Variants in TICRR observed in about 807,000 individuals in gnomAD.
TICRR encodes treslin.
TICRR carries 132 observed loss-of-function variants against 178.1 expected under a neutral mutation model. That is an observed-to-expected ratio of 0.74 (90% CI 0.64 to 0.86). The LOEUF is 0.86. Among genes scored for constraint, TICRR ranks in the 40% least tolerant of loss-of-function variants. The pLI is 0.00. For missense variants in TICRR, 2,587 were observed against 2,334.3 expected (o/e 1.11, Z -2.23); for synonymous variants, 991 against 900.7 (o/e 1.10, Z -1.79).
chr15:89,602,726 C>G (rs1185592158), intron 12 of TICRR, 70 bp from the exon 13 acceptor site: 2 of 684,028 alleles, frequency 2.9e-6, no homozygotes, highest in African/African-American at 3.8e-5. Flanking sequence ...TACTTAGACT[C>G]CAGTTCCATT....
intron 4 of TICRR, among the ~76,000 whole-genome samples, chr15:89,589,440 G>A (rs1353728112): frequency 6.6e-6 from 1 of 152,138 alleles, no homozygotes; most frequent in Non-Finnish European, 1.5e-5. Flanking sequence ...GCGGCCAGTG[G>A]AGGGTGGCCT....
chr15:89,586,971 C>G (rs1962834000), intron 4 of TICRR, among the ~76,000 whole-genome samples: 1 of 152,130 alleles, frequency 6.6e-6, no homozygotes, highest in Non-Finnish European at 1.5e-5. Context: ...ACTCTGGCTT[C>G]CATATTGAGA....
In TICRR at chr15:89,585,678, A is replaced by G. The variant is rs371979205; in HGVS notation, c.1177-30A>G. On this transcript the variant is annotated intron_variant, in intron 3 of 21. Coordinates refer to ENST00000268138, the MANE Select transcript of TICRR (RefSeq NM_152259.4). ...CTTCTTTAGGCATATTGACAATAATATTCTCAACTAATTAGGGCTTCTCAC... is the reference window on the plus strand; with the variant it reads ...CTTCTTTAGGCATATTGACAATAATGTTCTCAACTAATTAGGGCTTCTCAC... The G allele has an allele frequency of 6.7e-5, 99 of 1,482,190 alleles. 1 individual carries two copies. In the African/African-American group the frequency reaches 1.2e-3, roughly 18 times the overall value. 91.8% of individuals were successfully genotyped at this position (1,482,190 alleles called of 1,614,324 possible).
At position 89,624,986 on chromosome 15, in the gene TICRR, A is replaced by G; in HGVS notation, c.4676A>G (p.Tyr1559Cys). The part of the protein sequence containing the change: ...HSTDSASPQT[Y>C]EVELEMQASG... ...ACAGACTCTGCCAGCCCACAGACCTATGAGGTTGAGCTGGAGATGCAAGCT... is the reference window on the plus strand; with the variant it reads ...ACAGACTCTGCCAGCCCACAGACCTGTGAGGTTGAGCTGGAGATGCAAGCT... Residue 1559 changes from tyrosine (Y) to cysteine (C), a missense_variant, in exon 20 of 22, where the codon TAT (tyrosine) becomes TGT (cysteine). Coordinates refer to ENST00000268138, the MANE Select transcript of TICRR (RefSeq NM_152259.4). 1.2e-6 allele frequency: 2 copies of G among 1,614,038 alleles called. No individual in the cohort carries two copies. Among genetic ancestry groups the G allele is most frequent in the South Asian group, 2.2e-5 (2 of 91,078 alleles).
chr15:89,602,513 T>C (rs1963114754), intron 12 of TICRR, among the ~76,000 whole-genome samples: 1 of 152,140 alleles, frequency 6.6e-6, no homozygotes, highest in African/African-American at 2.4e-5. Flanking sequence ...CAAAGTCTTC[T>C]TTACTGTCCA....
chr15:89,598,520 G>A (rs190876675), intron 7 of TICRR, among the ~76,000 whole-genome samples: 38 of 151,816 alleles, frequency 2.5e-4, no homozygotes, highest in Middle Eastern at 3.4e-3. Context: ...CCGCCACTAC[G>A]CCCGGGTAAT....
At chr15:89,621,699 G>T in intron 19 of TICRR, 149 bp downstream of exon 19, 1 of 689,702 alleles carries the variant, frequency 1.4e-6, no homozygotes, top group South Asian at 2.1e-5. Context: ...CCACATGAAT[G>T]ATTATTAGAC....
intron 6 of TICRR, 48 bp downstream of exon 6, chr15:89,594,602 G>A (rs1160038037): frequency 6.0e-5 from 87 of 1,454,776 alleles, no homozygotes; most frequent in Non-Finnish European, 7.8e-5. Flanking sequence ...TTTTGAGACT[G>A]TATGTTTTAA....
At position 89,621,441 on chromosome 15, in the gene TICRR, T is replaced by G. The variant is rs749720841; in HGVS notation, c.3203T>G (p.Leu1068Arg). Residue 1068 changes from leucine (L) to arginine (R), a missense_variant, in exon 19 of 22, where the codon CTT becomes CGT. Coordinates refer to ENST00000268138, the MANE Select transcript of TICRR (RefSeq NM_152259.4). ...PVQSIRSPKSLLFGAMSEMIS... is the reference protein window; with the variant it reads ...PVQSIRSPKSRLFGAMSEMIS... The stretch of plus-strand genomic sequence containing the variant: ...CAAAGTATTCGGTCTCCCAAGAGTC[T>G]TCTTTTTGGGGCAATGTCTGAGATG... 1 of 1,614,020 alleles carries G rather than the reference T, an allele frequency of 6.2e-7. No homozygotes were observed. Among genetic ancestry groups the G allele is most frequent in the East Asian group, 2.2e-5 (1 of 44,884 alleles).
chr15:89,609,790 TCA>T (rs140836148), intron 15 of TICRR, among the ~76,000 whole-genome samples: 2,989 of 151,982 alleles, frequency 0.02, 106 homozygotes, highest in African/African-American at 0.067. Context: ...TTTTCTAATC[TCA>T]GTTTCATTTT....
Position 89,575,710 on chromosome 15 carries a change from A to G in TICRR, c.124A>G (p.Arg42Gly), listed in dbSNP as rs778059385. 5.6e-5 allele frequency: 90 copies of G among 1,608,562 alleles called. No individual in the cohort carries two copies. The East Asian group carries it at 1.9e-3, about 35-fold the overall frequency. ...TCTGAGTTGCCGATTCGGCCTGGCC[A>G]GGGTCCACTGGGCCTTCAAGTTCTT... ...TYLSCRFGLA[R>G]VHWAFKFFDS... is the part of the protein sequence containing the mutation. Residue 42 changes from arginine (R) to glycine (G), a missense_variant, in exon 1 of 22, where the codon AGG (arginine) becomes GGG (glycine). Arg to Gly is a moderately radical substitution (Grantham distance 125). Transcript: ENST00000268138.
chr15:89,603,159 A>C (rs1430691551), intron 13 of TICRR, among the ~76,000 whole-genome samples: 1 of 152,208 alleles, frequency 6.6e-6, no homozygotes, highest in Non-Finnish European at 1.5e-5. Flanking sequence ...TTTAATGTAG[A>C]TAGGAAAACT....
intron 1 of TICRR, among the ~76,000 whole-genome samples, chr15:89,576,475 T>G (rs961960118): frequency 1.3e-5 from 2 of 152,110 alleles, no homozygotes; most frequent in Non-Finnish European, 2.9e-5. Context: ...CCAGACTTGA[T>G]TTTCCTACAC....
At chr15:89,576,846 TATATATATATATATACAC>T (rs1962628970) in intron 1 of TICRR, among the ~76,000 whole-genome samples, 1 of 137,794 alleles carries the variant, frequency 7.3e-6, no homozygotes, top group Non-Finnish European at 1.5e-5. Context: ...TATATATATA[TATATATATATATATACAC>T]ACACACACAT....
In TICRR at chr15:89,601,326, G is replaced by T; in HGVS notation, c.2182G>T (p.Glu728Ter). 1 of 1,614,122 alleles carries T rather than the reference G, an allele frequency of 6.2e-7. No individual in the cohort carries two copies. Among genetic ancestry groups the T allele is most frequent in the Non-Finnish European group, 8.5e-7 (1 of 1,180,010 alleles). The change falls in exon 10 of 22, where the codon GAG becomes TAG. Residue 728 changes from glutamate to a stop codon, truncating the protein, a stop_gained. Transcript: ENST00000268138. LOFTEE classifies it high-confidence loss of function. Reference protein sequence around the residue: ...ECQLQVFLRLEMCLQCPSINE... With the variant: ...ECQLQVFLRL Reference sequence around the variant, plus strand: ...CCAGCTTCAGGTATTTCTTCGTTTGGAGATGTGTCTGCAATGCCCTTCAAT... The same window carrying T: ...CCAGCTTCAGGTATTTCTTCGTTTGTAGATGTGTCTGCAATGCCCTTCAAT...
In TICRR at chr15:89,613,357, T is replaced by C. The variant is rs148433708; in HGVS notation, c.2870-3048T>C. Among the ~76,000 whole-genome samples, 1,209 of 152,332 alleles carry C rather than the reference T, an allele frequency of 7.9e-3. 17 individuals are homozygous for C. Among genetic ancestry groups the C allele is most frequent in the African/African-American group, 0.028 (1,149 of 41,576 alleles). On this transcript the variant is annotated intron_variant, in intron 15 of 21. Coordinates refer to ENST00000268138, the MANE Select transcript of TICRR (RefSeq NM_152259.4). ...TCTCTGGCTTCTTTCAAGATCTTCT[T>C]TTTTTCACTTTTGATAGTTTGATTA...
chr15:89,618,086 C>T (rs1963364259), intron 16 of TICRR, 66 bp from the exon 17 acceptor site: 2 of 1,499,534 alleles, frequency 1.3e-6, no homozygotes, highest in Admixed American at 3.3e-5. Flanking sequence ...GAGAAGCTGC[C>T]TGTCTCCTTA....
chr15:89,602,083 A>T, intron 12 of TICRR, 107 bp downstream of exon 12: 5 of 1,370,030 alleles, frequency 3.6e-6, no homozygotes, highest in Non-Finnish European at 3.0e-6. Flanking sequence ...TTGTTGAACT[A>T]ATAGCTGCCC....
chr15:89,575,802 G>A lies in TICRR; in HGVS notation c.216G>A (p.Ser72=). The A allele has an allele frequency of 6.2e-7, 1 of 1,605,046 alleles. No individual in the cohort carries two copies. Among genetic ancestry groups the A allele is most frequent in the Non-Finnish European group, 8.5e-7 (1 of 1,177,036 alleles). The change falls in exon 1 of 22, where the codon TCG becomes TCA. Residue 72 remains serine, a synonymous_variant. Coordinates refer to ENST00000268138, the MANE Select transcript of TICRR (RefSeq NM_152259.4). The part of the protein sequence containing the change: ...VSDFRELGSR[S]WEDFEEELEA... ...ACTTCCGCGAGCTGGGGTCCCGCTC[G>A]TGGGAGGACTTTGAGGAGGAGCTGG...
Sources: allele counts gnomAD v4.1 joint callset (sites outside exome capture counted in the v4.1 genomes callset), GRCh38; gene constraint gnomAD v4.1.1; transcripts MANE v1.5; gene names NCBI Gene and HGNC (gene_info 2026-07-23, HGNC 2026-07-21).